Variants in DOK5 observed in about 807,000 individuals in gnomAD.
DOK5 encodes docking protein 5.
A neutral mutation model predicts 43.3 loss-of-function variants in DOK5; 27 were observed. That is an observed-to-expected ratio of 0.62 (90% CI 0.46 to 0.86). The LOEUF (loss-of-function observed/expected upper bound fraction) is 0.86, where lower values mean the gene tolerates loss of function less well. Among genes scored for constraint, DOK5 ranks in the 40% least tolerant of loss-of-function variants. The pLI, the probability that DOK5 is intolerant of heterozygous loss-of-function variation, is 0.00. For missense variants in DOK5, 373 were observed against 392.9 expected (o/e 0.95, Z 0.43); for synonymous variants, 146 against 140.1 (o/e 1.04, Z -0.30).
intron 2 of DOK5, among the ~76,000 whole-genome samples, chr20:54,571,007 C>G (rs745558546): frequency 6.6e-6 from 1 of 152,136 alleles, no homozygotes; most frequent in East Asian, 1.9e-4. Flanking sequence ...AATAAGACAT[C>G]TGGAGTATGG....
intron 2 of DOK5, among the ~76,000 whole-genome samples, chr20:54,565,662 T>G (rs1985069119): frequency 6.6e-6 from 1 of 152,180 alleles, no homozygotes; most frequent in Admixed American, 6.5e-5. Context: ...TAGTATACCT[T>G]AAGCTCCAAG....
intron 2 of DOK5, among the ~76,000 whole-genome samples, chr20:54,576,286 T>G (rs1985449411): frequency 6.6e-6 from 1 of 152,112 alleles, no homozygotes; most frequent in South Asian, 2.1e-4. Flanking sequence ...AAATTTAAAA[T>G]AAATTTTAAA....
At chr20:54,535,303 TA>T (rs1983924183) in intron 1 of DOK5, among the ~76,000 whole-genome samples, 1 of 151,796 alleles carries the variant, frequency 6.6e-6, no homozygotes, top group Admixed American at 6.6e-5. Flanking sequence ...GTTTTTTTTT[TA>T]AAGAGTGCTT....
At chr20:54,595,135 A>T (rs1266423196) in intron 5 of DOK5, among the ~76,000 whole-genome samples, 3 of 152,122 alleles carry the variant, frequency 2.0e-5, no homozygotes, top group Non-Finnish European at 4.4e-5. Flanking sequence ...AGGTCAGGAG[A>T]TCGAGACCAT....
intron 2 of DOK5, among the ~76,000 whole-genome samples, chr20:54,568,863 C>T (rs946235176): frequency 4.6e-5 from 7 of 151,466 alleles, no homozygotes; most frequent in Non-Finnish European, 5.9e-5. Context: ...ACCCGGGAGG[C>T]GGAGCTTACA....
chr20:54,514,346 G>T (rs1248827234), intron 1 of DOK5, among the ~76,000 whole-genome samples: 1 of 152,192 alleles, frequency 6.6e-6, no homozygotes, highest in Non-Finnish European at 1.5e-5. Flanking sequence ...TATGTTAAGA[G>T]TTTGTAGGAG....
At chr20:54,568,385 T>A (rs1284901453) in intron 2 of DOK5, among the ~76,000 whole-genome samples, 1 of 152,218 alleles carries the variant, frequency 6.6e-6, no homozygotes, top group Non-Finnish European at 1.5e-5. Context: ...CAAGTACACA[T>A]ATAATCTCTT....
intron 6 of DOK5, among the ~76,000 whole-genome samples, chr20:54,626,827 C>T (rs1978328731): frequency 6.6e-6 from 1 of 152,220 alleles, no homozygotes; most frequent in Non-Finnish European, 1.5e-5. Flanking sequence ...TCTTGTAGTA[C>T]AGTTGTAATT....
chr20:54,621,744 G>T (rs1329136984), intron 6 of DOK5, among the ~76,000 whole-genome samples: 1 of 151,860 alleles, frequency 6.6e-6, no homozygotes, highest in African/African-American at 2.4e-5. Context: ...TGTATCAAAG[G>T]GTGCTACCAT....
At chr20:54,496,782 A>AAAAAG (rs1568754563) in intron 1 of DOK5, among the ~76,000 whole-genome samples, 1 of 150,572 alleles carries the variant, frequency 6.6e-6, no homozygotes, top group African/African-American at 2.5e-5. Flanking sequence ...AAAAAAAAAA[A>AAAAAG]AAAAGAAAAA....
intron 1 of DOK5, among the ~76,000 whole-genome samples, chr20:54,478,493 A>G (rs750543088): frequency 2.0e-5 from 3 of 152,222 alleles, no homozygotes; most frequent in African/African-American, 4.8e-5. Flanking sequence ...GTGCTGAACT[A>G]TATAGTGCAT....
At chr20:54,548,308 C>T (rs543468453) in intron 1 of DOK5, among the ~76,000 whole-genome samples, 21 of 152,124 alleles carry the variant, frequency 1.4e-4, no homozygotes, top group Non-Finnish European at 2.4e-4. Flanking sequence ...AATCTTGACT[C>T]ACTGCAGCCT....
intron 1 of DOK5, among the ~76,000 whole-genome samples, chr20:54,491,276 T>C (rs1307319396): frequency 2.6e-5 from 4 of 152,250 alleles, no homozygotes; most frequent in African/African-American, 9.6e-5. Context: ...GAGCACACAG[T>C]AGGTGCTCAA....
intron 1 of DOK5, among the ~76,000 whole-genome samples, chr20:54,488,015 A>G (rs1982010193): frequency 6.6e-6 from 1 of 152,246 alleles, no homozygotes; most frequent in South Asian, 2.1e-4. Flanking sequence ...TTTATTTTCC[A>G]AACTTTTAAG....
intron 1 of DOK5, among the ~76,000 whole-genome samples, chr20:54,519,963 C>T (rs1056395729): frequency 5.9e-5 from 9 of 152,164 alleles, no homozygotes; most frequent in Admixed American, 1.3e-4. Flanking sequence ...TTTTGGTCTT[C>T]GACATCCAAG....
At chr20:54,594,097 CA>C (rs1183346218) in intron 5 of DOK5, among the ~76,000 whole-genome samples, 1 of 152,162 alleles carries the variant, frequency 6.6e-6, no homozygotes, top group Non-Finnish European at 1.5e-5. Flanking sequence ...CACCACGACA[CA>C]AATTTACCTA....
At position 54,623,506 on chromosome 20, in the gene DOK5, A is replaced by C. The variant is rs1987049528; in HGVS notation, c.735+12983A>C. 2.0e-5 allele frequency among the ~76,000 whole-genome samples: 3 copies of C among 152,186 alleles called. No individual in the cohort carries two copies. In the South Asian group the frequency reaches 6.2e-4, roughly 31 times the overall value. On this transcript the variant is annotated intron_variant, in intron 6 of 7. Coordinates refer to ENST00000262593, the MANE Select transcript of DOK5 (RefSeq NM_018431.5). ...TTTGTTAGTTCACATGAGCTAGTGCATGTAAGGCAACGAGACGAGGCATAG... is the reference window on the plus strand; with the variant it reads ...TTTGTTAGTTCACATGAGCTAGTGCCTGTAAGGCAACGAGACGAGGCATAG...
chr20:54,566,042 T>C (rs115249346), intron 2 of DOK5, among the ~76,000 whole-genome samples: 2,118 of 149,708 alleles, frequency 0.014, 58 homozygotes, highest in African/African-American at 0.049. Flanking sequence ...ACCCTGAACA[T>C]TTCCATCAGC....
At chr20:54,566,257 C>G (rs1219249254) in intron 2 of DOK5, among the ~76,000 whole-genome samples, 3 of 152,092 alleles carry the variant, frequency 2.0e-5, no homozygotes, top group Non-Finnish European at 2.9e-5. Flanking sequence ...AGTCCATTCC[C>G]TTTTACTGCT....
Sources: allele counts gnomAD v4.1 joint callset (sites outside exome capture counted in the v4.1 genomes callset), GRCh38; gene constraint gnomAD v4.1.1; transcripts MANE v1.5; gene names NCBI Gene and HGNC (gene_info 2026-07-23, HGNC 2026-07-21).